The following MYO3A variants were observed in gnomAD, a reference collection of about 807,000 sequenced individuals.
MYO3A encodes the protein myosin IIIA, also known as myosin-IIIa.
Under a neutral mutation model 192.7 loss-of-function variants are expected in MYO3A, and 180 were observed. That is an observed-to-expected ratio of 0.93 (90% CI 0.83 to 1.06). MYO3A has a LOEUF of 1.06. MYO3A is among the 50% of genes least tolerant of loss of function. MYO3A has a pLI of 0.00. For missense variants in MYO3A, 1,896 were observed against 1,905.0 expected (o/e 1.00, Z 0.09); for synonymous variants, 628 against 645.3 (o/e 0.97, Z 0.41).
At chr10:26,006,978 C>A (rs1459855520) in intron 6 of MYO3A, among the ~76,000 whole-genome samples, 1 of 147,002 alleles carries the variant, frequency 6.8e-6, no homozygotes, top group African/African-American at 2.6e-5. Flanking sequence ...TGCAAAAATC[C>A]TCAATAAAAT....
At chr10:25,957,618 A>G (rs913883749) in intron 4 of MYO3A, among the ~76,000 whole-genome samples, 1 of 152,200 alleles carries the variant, frequency 6.6e-6, no homozygotes, top group Admixed American at 6.6e-5. Context: ...AATGCAATAG[A>G]TAGCTGGGTT....
At chr10:26,198,817 C>G (rs776506358) in intron 32 of MYO3A, among the ~76,000 whole-genome samples, 1 of 152,166 alleles carries the variant, frequency 6.6e-6, no homozygotes, top group Non-Finnish European at 1.5e-5. Context: ...TGTTTGTCTC[C>G]TCTTTCTTTC....
chr10:26,103,007 T>C (rs987276376), intron 17 of MYO3A, among the ~76,000 whole-genome samples: 2 of 152,242 alleles, frequency 1.3e-5, no homozygotes, highest in African/African-American at 4.8e-5. Flanking sequence ...AGGTGGAGTC[T>C]ACAAAGGCGG....
intron 4 of MYO3A, among the ~76,000 whole-genome samples, chr10:25,993,768 G>A (rs1330294243): frequency 1.3e-5 from 2 of 152,060 alleles, no homozygotes; most frequent in African/African-American, 4.8e-5. Flanking sequence ...ATTTCATTAT[G>A]TACCCAGTTG....
chr10:26,095,179 G>T (rs1836941967), intron 15 of MYO3A, among the ~76,000 whole-genome samples: 5 of 152,100 alleles, frequency 3.3e-5, no homozygotes, highest in Admixed American at 3.3e-4. Context: ...CAACCCCTAT[G>T]GTGGCATCCA....
At chr10:26,075,183 C>T (rs570555768) in intron 14 of MYO3A, among the ~76,000 whole-genome samples, 36 of 151,990 alleles carry the variant, frequency 2.4e-4, no homozygotes, top group African/African-American at 8.4e-4. Context: ...AATGATGGCT[C>T]TAAATTTTTC....
At chr10:26,184,115 G>A (rs1842753539) in intron 31 of MYO3A, among the ~76,000 whole-genome samples, 2 of 152,154 alleles carry the variant, frequency 1.3e-5, no homozygotes, top group African/African-American at 4.8e-5. Context: ...GCCATGCAAG[G>A]CAGAGAGGAC....
At chr10:26,061,247 G>T (rs17739106) in intron 10 of MYO3A, among the ~76,000 whole-genome samples, 71,628 of 151,692 alleles carry the variant, frequency 0.47, 17,719 homozygotes, top group Middle Eastern at 0.59. Context: ...GTTTTTTGCA[G>T]CTTTGTATCA....
At chr10:26,144,213 GA>G (rs199524569) in intron 21 of MYO3A, among the ~76,000 whole-genome samples, 3 of 145,416 alleles carry the variant, frequency 2.1e-5, no homozygotes, top group Non-Finnish European at 3.0e-5. Context: ...AATTAAAAAA[GA>G]AAAAAAAACT....
intron 17 of MYO3A, among the ~76,000 whole-genome samples, chr10:26,099,986 G>T (rs1189934893): frequency 1.3e-5 from 2 of 152,148 alleles, no homozygotes; most frequent in African/African-American, 4.8e-5. Flanking sequence ...AGAAGGAATG[G>T]TACCAGCTCC....
At chr10:26,132,737 A>G (rs183035793) in intron 20 of MYO3A, among the ~76,000 whole-genome samples, 70 of 152,264 alleles carry the variant, frequency 4.6e-4, no homozygotes, top group Non-Finnish European at 8.2e-4. Flanking sequence ...CATCATTTAG[A>G]CATGCATCTA....
chr10:25,944,029 C>G (rs1836675718), intron 2 of MYO3A, among the ~76,000 whole-genome samples: 1 of 151,904 alleles, frequency 6.6e-6, no homozygotes. Flanking sequence ...ATAATGTTAG[C>G]TACAGGCTTT....
At chr10:25,995,916 G>A (rs190370642) in intron 4 of MYO3A, among the ~76,000 whole-genome samples, 1 of 152,352 alleles carries the variant, frequency 6.6e-6, no homozygotes, top group African/African-American at 2.4e-5. Context: ...TGCCCCTACT[G>A]GGGAGTGCCT....
Position 26,174,197 on chromosome 10 carries a change from C to T in MYO3A, c.3933C>T (p.Thr1311=), listed in dbSNP as rs1311013479. ...MEKEKKTSVV[T]QRAPICSQEE... is the part of the protein sequence containing the mutation. ...AAGAAAAGAAGACATCTGTAGTTAC[C>T]CAGCGTGCACCGATATGCAGCCAGG... Residue 1311 remains threonine (T), a synonymous_variant, in exon 30 of 35, where the codon ACC becomes ACT. Transcript: ENST00000642920. 1 of 1,614,110 alleles carries T rather than the reference C, an allele frequency of 6.2e-7. No individual in the cohort carries two copies. The highest frequency in any genetic ancestry group is 8.5e-7 in the Non-Finnish European group (1 of 1,180,032).
rs375928774 is a variant in MYO3A at position 26,128,567 on chromosome 10, C to T, written c.2262+29C>T. The stretch of plus-strand genomic sequence containing the variant: ...AGTCTAAGTACTTACTATAAATATG[C>T]ATGCATGCATGTATTATAGGCAGAC... On this transcript the variant is annotated intron_variant, in intron 20 of 34. Coordinates refer to ENST00000642920, the MANE Select transcript of MYO3A (RefSeq NM_017433.5). 1.0e-5 allele frequency: 16 copies of T among 1,572,304 alleles called. No homozygotes were observed. In the East Asian group the frequency reaches 1.3e-4, roughly 13 times the overall value.
chr10:25,978,549 A>G (rs147316621), intron 4 of MYO3A, among the ~76,000 whole-genome samples: 1 of 152,176 alleles, frequency 6.6e-6, no homozygotes, highest in Non-Finnish European at 1.5e-5. Context: ...TCCACAACAC[A>G]TGGAAATTGA....
At chr10:26,203,908 C>G (rs915346447) in intron 34 of MYO3A, among the ~76,000 whole-genome samples, 3 of 152,154 alleles carry the variant, frequency 2.0e-5, no homozygotes, top group African/African-American at 7.2e-5. Context: ...TGTTGAGTGA[C>G]CTTGCTCATG....
chr10:26,140,932 G>GT (rs1015798582), intron 20 of MYO3A, among the ~76,000 whole-genome samples: 3 of 151,942 alleles, frequency 2.0e-5, no homozygotes, highest in African/African-American at 7.2e-5. Context: ...TTGTTTGTTT[G>GT]TTTTTTGTTT....
intron 17 of MYO3A, among the ~76,000 whole-genome samples, chr10:26,116,412 A>G (rs1298445942): frequency 6.6e-6 from 1 of 152,226 alleles, no homozygotes; most frequent in African/African-American, 2.4e-5. Flanking sequence ...AACAGACACC[A>G]GTATAGTAGA....
Sources: allele counts gnomAD v4.1 joint callset (sites outside exome capture counted in the v4.1 genomes callset), GRCh38; gene constraint gnomAD v4.1.1; transcripts MANE v1.5; gene names NCBI Gene and HGNC (gene_info 2026-07-23, HGNC 2026-07-21).